KLRF2: variants seen among roughly 807,000 people sequenced by gnomAD.
The protein encoded by KLRF2 is killer cell lectin-like receptor subfamily F member 2.
In KLRF2, 28 loss-of-function variants were observed where a neutral mutation model predicts 25.3. The observed-to-expected ratio is 1.11, with a 90% CI of 0.82 to 1.52. KLRF2 has a LOEUF of 1.52. Among genes scored for constraint, KLRF2 ranks in the 40% most tolerant of loss-of-function variants. The pLI is 0.00. For missense variants in KLRF2, 265 were observed against 245.8 expected (o/e 1.08, Z -0.52); for synonymous variants, 73 against 85.0 (o/e 0.86, Z 0.78).
chr12:9,893,028 T>C lies in KLRF2; in HGVS notation c.226T>C (p.Tyr76His), dbSNP rs1862699069. ...CCTATGTTTTCCTTTAGGACACAAT[T>C]ACTTGTGCCCAAATGACTGGCTGTT... is the stretch of plus-strand genomic sequence containing the variant. ...VNVSSLSGHN[Y>H]LCPNDWLLNE... Residue 76 changes from tyrosine to histidine, a missense_variant, in exon 4 of 6, where the codon TAC becomes CAC. Coordinates refer to ENST00000535540, the MANE Select transcript of KLRF2 (RefSeq NM_001190765.1). 6.5e-7 allele frequency: 1 copy of C among 1,535,412 alleles called. No individual in the cohort carries two copies. Among genetic ancestry groups the C allele is most frequent in the Non-Finnish European group, 8.7e-7 (1 of 1,146,418 alleles).
chr12:9,889,186 G>A (rs1862642378), intron 3 of KLRF2, among the ~76,000 whole-genome samples: 1 of 152,102 alleles, frequency 6.6e-6, no homozygotes, highest in Non-Finnish European at 1.5e-5. Context: ...ATGAATTTAG[G>A]CAAATTAAAC....
rs1862700260 is a variant in KLRF2 at position 9,893,105 on chromosome 12, G to C, written c.303G>C (p.Glu101Asp). 2 of 1,535,668 alleles carry C rather than the reference G, an allele frequency of 1.3e-6. No individual in the cohort carries two copies. Among genetic ancestry groups the C allele is most frequent in the East Asian group, 4.9e-5 (2 of 40,892 alleles). ...CAACTTCTTTTAAAACGTGGAAAGAGAGTCAACGTGATTGTACACAGCTAC... is the reference window on the plus strand; with the variant it reads ...CAACTTCTTTTAAAACGTGGAAAGACAGTCAACGTGATTGTACACAGCTAC... The part of the protein sequence containing the change: ...WFSTSFKTWK[E>D]SQRDCTQLQA... Residue 101 changes from glutamate to aspartate, a missense_variant, in exon 4 of 6, where the codon GAG becomes GAC. Transcript: ENST00000535540.
At chr12:9,885,808 C>T (rs7310121) in intron 2 of KLRF2, among the ~76,000 whole-genome samples, 21,261 of 151,890 alleles carry the variant, frequency 0.14, 2,454 homozygotes, top group East Asian at 0.34. Context: ...TTACTAATTA[C>T]CTGAAAATGT....
chr12:9,893,425 G>A lies in KLRF2; in HGVS notation c.367-4G>A, dbSNP rs747216879. Reference sequence around the variant, plus strand: ...AATGAATAAATGCACTATTTCTTCTGCAGGAGTTCATACAGAACAGTTTAA... The same window carrying A: ...AATGAATAAATGCACTATTTCTTCTACAGGAGTTCATACAGAACAGTTTAA... On this transcript the variant is annotated splice_region_variant and splice_polypyrimidine_tract_variant and intron_variant, in intron 4 of 5. Coordinates refer to ENST00000535540, the MANE Select transcript of KLRF2 (RefSeq NM_001190765.1). 7.7e-7 allele frequency: 1 copy of A among 1,290,610 alleles called. No homozygotes were observed. Among genetic ancestry groups the A allele is most frequent in the Non-Finnish European group, 1.1e-6 (1 of 932,588 alleles). 79.9% of individuals were successfully genotyped at this position (1,290,610 alleles called of 1,614,324 possible).
At chr12:9,884,233 A>T (rs185184246) in intron 1 of KLRF2, among the ~76,000 whole-genome samples, 4 of 152,160 alleles carry the variant, frequency 2.6e-5, no homozygotes, top group Admixed American at 2.6e-4. Flanking sequence ...TTATTCCTTT[A>T]TAAGGAAGCT....
Position 9,895,821 on chromosome 12 carries a change from C to T in KLRF2, c.612C>T (p.Thr204=), listed in dbSNP as rs190684268. Reference sequence around the variant, plus strand: ...ATGCGATCTTGACGCACAATGGAACCAGTGGTGTGTAAATGTACAACCAAA... The same window carrying T: ...ATGCGATCTTGACGCACAATGGAACTAGTGGTGTGTAAATGTACAACCAAA... The part of the protein sequence containing the change: ...QRDAILTHNG[T]SGV The change falls in exon 6 of 6, where the codon ACC becomes ACT. Residue 204 remains threonine, a synonymous_variant. Transcript: ENST00000535540. 1 of 1,532,542 alleles carries T rather than the reference C, an allele frequency of 6.5e-7. No individual in the cohort carries two copies. Among genetic ancestry groups the T allele is most frequent in the South Asian group, 1.2e-5 (1 of 83,226 alleles). 94.9% of individuals were successfully genotyped at this position (1,532,542 alleles called of 1,614,324 possible).
At position 9,894,125 on chromosome 12, in the gene KLRF2, T is replaced by TC. The variant is rs1491049685; in HGVS notation, c.479+584_479+585insC. Among the ~76,000 whole-genome samples, 81 of 106,592 alleles carry TC rather than the reference T, an allele frequency of 7.6e-4. 1 individual carries two copies. In the East Asian group the frequency reaches 0.019, roughly 25 times the overall value. 69.9% of individuals were successfully genotyped at this position (106,592 alleles called of 152,430 possible). ...TCTCTTTTTCTTTTTCTTTCTTTTC[T>TC]TTCTCTCTCTCTCTCTCTCTCTCTC... On this transcript the variant is annotated intron_variant, in intron 5 of 5. Transcript: ENST00000535540.
intron 5 of KLRF2, among the ~76,000 whole-genome samples, chr12:9,895,345 A>T (rs1862744893): frequency 6.6e-6 from 1 of 152,224 alleles, no homozygotes; most frequent in Non-Finnish European, 1.5e-5. Flanking sequence ...TAAGGGAGAG[A>T]TAATGGTAGC....
chr12:9,882,874 T>C (rs1868110085), intron 1 of KLRF2, among the ~76,000 whole-genome samples: 1 of 152,192 alleles, frequency 6.6e-6, no homozygotes, highest in African/African-American at 2.4e-5. Flanking sequence ...ATCTCAATAC[T>C]TTGATATATA....
At chr12:9,881,880 CGAT>C (rs1868098100) in intron 1 of KLRF2, among the ~76,000 whole-genome samples, 1 of 152,002 alleles carries the variant, frequency 6.6e-6, no homozygotes, top group Non-Finnish European at 1.5e-5. Context: ...GCGAATATGA[CGAT>C]GTGTAATCCT....
chr12:9,889,134 T>C (rs943585158), intron 3 of KLRF2, among the ~76,000 whole-genome samples: 3 of 152,208 alleles, frequency 2.0e-5, no homozygotes, highest in Admixed American at 1.3e-4. Context: ...GGGCTTGAGA[T>C]AGACCTATGT....
intron 1 of KLRF2, among the ~76,000 whole-genome samples, chr12:9,882,369 T>G (rs933728342): frequency 6.6e-6 from 1 of 152,188 alleles, no homozygotes; most frequent in Non-Finnish European, 1.5e-5. Context: ...ATGACACTTT[T>G]GTTATTATCT....
intron 2 of KLRF2, among the ~76,000 whole-genome samples, chr12:9,886,763 C>CAAAAAAAAAAA (rs770999069): frequency 9.7e-6 from 1 of 103,516 alleles, no homozygotes. Flanking sequence ...CTATATCATG[C>CAAAAAAAAAAA]AAAAAAAAAA....
At chr12:9,881,882 A>G (rs1420564157) in intron 1 of KLRF2, among the ~76,000 whole-genome samples, 1 of 152,186 alleles carries the variant, frequency 6.6e-6, no homozygotes, top group Non-Finnish European at 1.5e-5. Context: ...GAATATGACG[A>G]TGTGTAATCC....
At chr12:9,891,978 T>C (rs1226713465) in intron 3 of KLRF2, among the ~76,000 whole-genome samples, 1 of 152,226 alleles carries the variant, frequency 6.6e-6, no homozygotes, top group Non-Finnish European at 1.5e-5. Flanking sequence ...GCATTTATTA[T>C]ATACAAAATA....
chr12:9,893,415 T>G lies in KLRF2; in HGVS notation c.367-14T>G, dbSNP rs767846945. 4.4e-5 allele frequency: 52 copies of G among 1,191,478 alleles called. No homozygotes were observed. In the Middle Eastern group the frequency reaches 1.1e-3, roughly 26 times the overall value. The allele number at this position is 1,191,478 out of a possible 1,614,324, so 73.8% of individuals were successfully genotyped here. A position where few individuals can be genotyped will look rare whatever the true frequency, so the allele number is the denominator to read the frequency against. ...TAAACAAATGAATGAATAAATGCAC[T>G]ATTTCTTCTGCAGGAGTTCATACAG... On this transcript the variant is annotated splice_polypyrimidine_tract_variant and intron_variant, in intron 4 of 5. Transcript: ENST00000535540.
intron 3 of KLRF2, among the ~76,000 whole-genome samples, chr12:9,889,475 G>A (rs573504059): frequency 6.6e-6 from 1 of 152,200 alleles, no homozygotes; most frequent in East Asian, 1.9e-4. Context: ...AAACTGCTGA[G>A]GTCCCCAAAG....
In KLRF2 at chr12:9,893,524, C is replaced by G. The variant is rs568413445; in HGVS notation, c.462C>G (p.His154Gln). 7.1e-5 allele frequency: 104 copies of G among 1,471,884 alleles called. No homozygotes were observed. In the African/African-American group the frequency reaches 1.1e-3, roughly 16 times the overall value. 91.2% of individuals were successfully genotyped at this position (1,471,884 alleles called of 1,614,324 possible). A position where few individuals can be genotyped will look rare whatever the true frequency, so the allele number is the denominator to read the frequency against. ...ACCTATGGATGTGGATAGATGAACACTTTTTAGTTCCAGAATTGTGAGTAG... is the reference window on the plus strand; with the variant it reads ...ACCTATGGATGTGGATAGATGAACAGTTTTTAGTTCCAGAATTGTGAGTAG... ...QGNLWMWIDE[H>Q]FLVPELFSVI... Residue 154 changes from histidine to glutamine, a missense_variant, in exon 5 of 6, where the codon CAC becomes CAG. His to Gln is a conservative substitution (Grantham distance 24). Transcript: ENST00000535540.
Position 9,893,042 on chromosome 12 carries a change from T to C in KLRF2, c.240T>C (p.Asn80=). The change falls in exon 4 of 6, where the codon AAT becomes AAC. Residue 80 remains asparagine (N), a synonymous_variant. Coordinates refer to ENST00000535540, the MANE Select transcript of KLRF2 (RefSeq NM_001190765.1). ...SLSGHNYLCP[N]DWLLNEGKCY... ...TAGGACACAATTACTTGTGCCCAAATGACTGGCTGTTGAACGAAGGGAAAT... is the reference window on the plus strand; with the variant it reads ...TAGGACACAATTACTTGTGCCCAAACGACTGGCTGTTGAACGAAGGGAAAT... 6.5e-7 allele frequency: 1 copy of C among 1,535,790 alleles called. No individual in the cohort carries two copies. Among genetic ancestry groups the C allele is most frequent in the Non-Finnish European group, 8.7e-7 (1 of 1,146,656 alleles).
Sources: allele counts gnomAD v4.1 joint callset (sites outside exome capture counted in the v4.1 genomes callset), GRCh38; gene constraint gnomAD v4.1.1; transcripts MANE v1.5; gene names NCBI Gene and HGNC (gene_info 2026-07-23, HGNC 2026-07-21).